The following KAZN variants were observed in gnomAD, a reference collection of about 807,000 sequenced individuals.
KAZN encodes kazrin, periplakin interacting protein, also known as kazrin.
A neutral mutation model predicts 87.4 loss-of-function variants in KAZN; 40 were observed. The ratio of observed to expected loss-of-function variants is 0.46; its 90% CI spans 0.36 to 0.60. KAZN has a LOEUF of 0.60. KAZN is among the 20% of genes least tolerant of loss of function. The pLI is 0.00. For missense variants in KAZN, 898 were observed against 1,073.9 expected, an observed-to-expected ratio of 0.84 and a Z score of 2.29; for synonymous variants, 466 against 458.3, an observed-to-expected ratio of 1.02 and a Z score of -0.22.
chr1:13,903,830 C>T (rs917058730), intron 1 of KAZN, among the ~76,000 whole-genome samples: 2 of 152,076 alleles, frequency 1.3e-5, no homozygotes, highest in Admixed American at 6.5e-5. Context: ...GTGCTCTTAG[C>T]TACTTGAAAA....
At chr1:13,961,459 A>C (rs1336398200) in intron 1 of KAZN, among the ~76,000 whole-genome samples, 1 of 152,144 alleles carries the variant, frequency 6.6e-6, no homozygotes, top group African/African-American at 2.4e-5. Flanking sequence ...GATGGGAGTC[A>C]TTTTGTTTGG....
rs116738758 is a variant in KAZN at position 14,080,646 on chromosome 1, T to A, written c.92-99789T>A. ...TAAATGAGATACTGTATGTGCAGCA[T>A]GATGCATAACATGCGGTTGATGCTG... On this transcript the variant is annotated intron_variant, in intron 1 of 16. Transcript: ENST00000636203. Among the ~76,000 whole-genome samples the A allele has an allele frequency of 5.7e-3, 867 of 152,336 alleles. 15 individuals carry two copies. Among genetic ancestry groups the A allele is most frequent in the African/African-American group, 0.02 (827 of 41,564 alleles).
chr1:14,722,035 A>G (rs1324292002), intron 1 of KAZN, among the ~76,000 whole-genome samples: 1 of 152,030 alleles, frequency 6.6e-6, no homozygotes, highest in Non-Finnish European at 1.5e-5. Flanking sequence ...CATGCCTGTA[A>G]TCTCAGCTAC....
intron 1 of KAZN, among the ~76,000 whole-genome samples, chr1:14,728,930 A>G (rs1643548114): frequency 6.6e-6 from 1 of 152,212 alleles, no homozygotes; most frequent in Non-Finnish European, 1.5e-5. Flanking sequence ...GTTTCCTTTT[A>G]GGATAACAGC....
intron 1 of KAZN, among the ~76,000 whole-genome samples, chr1:14,713,048 A>G (rs920917392): frequency 2.6e-5 from 4 of 151,910 alleles, no homozygotes; most frequent in Non-Finnish European, 2.9e-5. Context: ...CAATGCTCCT[A>G]TGTCTGGGTG....
chr1:14,712,577 G>A (rs531826811), intron 1 of KAZN, among the ~76,000 whole-genome samples: 8 of 152,168 alleles, frequency 5.3e-5, no homozygotes, highest in Admixed American at 1.3e-4. Context: ...AGACCCCTCC[G>A]ATCTGCCAGA....
intron 2 of KAZN, among the ~76,000 whole-genome samples, chr1:14,519,601 C>T (rs1234873609): frequency 6.6e-6 from 1 of 152,068 alleles, no homozygotes; most frequent in Non-Finnish European, 1.5e-5. Context: ...TTTCTAAAGC[C>T]TAGGCCAGGG....
chr1:14,393,425 C>T (rs1215556721), intron 2 of KAZN, among the ~76,000 whole-genome samples: 4 of 152,148 alleles, frequency 2.6e-5, no homozygotes, highest in Non-Finnish European at 5.9e-5. Context: ...CTCTTACAGA[C>T]ATCATTGCAT....
At chr1:14,509,411 T>C (rs1005015079) in intron 2 of KAZN, among the ~76,000 whole-genome samples, 1 of 152,192 alleles carries the variant, frequency 6.6e-6, no homozygotes, top group Admixed American at 6.5e-5. Context: ...CACCAACCAG[T>C]GTGGCATGTC....
intron 13 of KAZN, among the ~76,000 whole-genome samples, chr1:15,107,212 G>A (rs1641326828): frequency 6.6e-6 from 1 of 152,222 alleles, no homozygotes; most frequent in Admixed American, 6.5e-5. Context: ...AGGCACTTGG[G>A]TGATCCATGT....
At chr1:14,265,649 C>T (rs1394110750) in intron 2 of KAZN, among the ~76,000 whole-genome samples, 2 of 152,172 alleles carry the variant, frequency 1.3e-5, no homozygotes, top group African/African-American at 2.4e-5. Context: ...AAATCGAACC[C>T]TCAGTGTGGA....
At chr1:14,200,558 C>A (rs1035186919) in intron 2 of KAZN, among the ~76,000 whole-genome samples, 3 of 152,176 alleles carry the variant, frequency 2.0e-5, no homozygotes, top group Non-Finnish European at 4.4e-5. Context: ...CAGTTTGTTT[C>A]TGCATATGCA....
intron 2 of KAZN, among the ~76,000 whole-genome samples, chr1:14,969,047 G>T (rs182456540): frequency 6.6e-6 from 1 of 152,196 alleles, no homozygotes; most frequent in Non-Finnish European, 1.5e-5. Context: ...CAGCGGGGTC[G>T]GTGGGGCTGG....
At chr1:14,672,224 A>G (rs1639958857) in intron 1 of KAZN, among the ~76,000 whole-genome samples, 1 of 152,178 alleles carries the variant, frequency 6.6e-6, no homozygotes, top group Non-Finnish European at 1.5e-5. Flanking sequence ...CTGGTTGGGA[A>G]ACAAAAGCCC....
intron 2 of KAZN, among the ~76,000 whole-genome samples, chr1:14,485,966 G>A (rs1669333279): frequency 6.6e-6 from 1 of 151,764 alleles, no homozygotes. Flanking sequence ...CTGCCCACAG[G>A]GTAGTCTTGC....
chr1:15,082,574 T>C (rs536336386), intron 8 of KAZN, among the ~76,000 whole-genome samples: 1 of 152,368 alleles, frequency 6.6e-6, no homozygotes, highest in East Asian at 1.9e-4. Context: ...AATGGCACTC[T>C]GAGGTCAGGG....
At chr1:14,299,895 AC>A (rs2100775368) in intron 2 of KAZN, among the ~76,000 whole-genome samples, 1 of 152,338 alleles carries the variant, frequency 6.6e-6, no homozygotes, top group African/African-American at 2.4e-5. Context: ...TACTCACCCA[AC>A]AAAAATCACC....
In KAZN at chr1:14,630,826, C is replaced by A. The variant is rs148184292; in HGVS notation, c.226+31603C>A. Among the ~76,000 whole-genome samples, 386 of 152,230 alleles carry A rather than the reference C, an allele frequency of 2.5e-3. 2 individuals are homozygous for A. Among genetic ancestry groups the A allele is most frequent in the Non-Finnish European group, 3.9e-3 (264 of 68,018 alleles). On this transcript the variant is annotated intron_variant, in intron 1 of 14. Coordinates refer to ENST00000376030, the MANE Select transcript of KAZN (RefSeq NM_201628.3). ...GTGTGACTGTGGGGAAGACACGTAA[C>A]CTCTCTGAAGCTTTGTTTTCTCATC... is the stretch of plus-strand genomic sequence containing the variant.
chr1:14,119,490 C>T (rs1193154634), intron 1 of KAZN, among the ~76,000 whole-genome samples: 1 of 152,186 alleles, frequency 6.6e-6, no homozygotes, highest in Admixed American at 6.5e-5. Flanking sequence ...AATGTTAGAA[C>T]TCCTCTAGTG....
Sources: allele counts gnomAD v4.1 joint callset (sites outside exome capture counted in the v4.1 genomes callset), GRCh38; gene constraint gnomAD v4.1.1; transcripts MANE v1.5; gene names NCBI Gene and HGNC (gene_info 2026-07-23, HGNC 2026-07-21).